Variants in NME8 observed in about 807,000 individuals in gnomAD.
NME8 encodes the protein NME/NM23 family member 8.
A neutral mutation model predicts 82.3 loss-of-function variants in NME8; 72 were observed. The ratio of observed to expected loss-of-function variants is 0.87; its 90% CI spans 0.72 to 1.06. NME8 has a LOEUF of 1.06. NME8 is among the 50% of genes least tolerant of loss of function. The pLI, the probability that NME8 is intolerant of heterozygous loss-of-function variation, is 0.00. For missense variants in NME8, 712 were observed against 685.4 expected, an observed-to-expected ratio of 1.04 and a Z score of -0.43; for synonymous variants, 267 against 228.5, an observed-to-expected ratio of 1.17 and a Z score of -1.52.
chr7:37,875,389 T>G (rs1217403294), intron 11 of NME8, among the ~76,000 whole-genome samples: 1 of 151,608 alleles, frequency 6.6e-6, no homozygotes, highest in Non-Finnish European at 1.5e-5. Flanking sequence ...TACTCTCAAA[T>G]GGATCTGCCA....
At position 37,857,377 on chromosome 7, in the gene NME8, C is replaced by T. The variant is rs887838219; in HGVS notation, c.270+32C>T. ...ATATTTACTTTCTCAATTGCATTAT[C>T]AGATTCCAGTTTGCAGTTAAGAACA... On this transcript the variant is annotated intron_variant, in intron 6 of 17. Transcript: ENST00000199447. 3 of 1,410,208 alleles carry T rather than the reference C, an allele frequency of 2.1e-6. No homozygotes were observed. The African/African-American group carries it at 4.2e-5, about 20-fold the overall frequency. 87.4% of individuals were successfully genotyped at this position (1,410,208 alleles called of 1,614,324 possible).
At chr7:37,880,424 A>T (rs980621529) in intron 12 of NME8, among the ~76,000 whole-genome samples, 1 of 152,194 alleles carries the variant, frequency 6.6e-6, no homozygotes, top group African/African-American at 2.4e-5. Flanking sequence ...GGGTATTTCT[A>T]ATTATTTCAG....
At chr7:37,861,670 G>A (rs1784598624) in intron 6 of NME8, among the ~76,000 whole-genome samples, 1 of 152,130 alleles carries the variant, frequency 6.6e-6, no homozygotes, top group African/African-American at 2.4e-5. Flanking sequence ...AAGGGGCATG[G>A]TGTCAAAAAT....
intron 17 of NME8, among the ~76,000 whole-genome samples, chr7:37,897,721 T>G (rs915316711): frequency 7.4e-5 from 11 of 149,504 alleles, no homozygotes; most frequent in Admixed American, 6.7e-4. Context: ...TGTGTCCATG[T>G]GTTCTCAATG....
intron 6 of NME8, among the ~76,000 whole-genome samples, chr7:37,858,095 A>G (rs1784539730): frequency 6.6e-6 from 1 of 152,134 alleles, no homozygotes; most frequent in South Asian, 2.1e-4. Flanking sequence ...GAAAGACATA[A>G]ATAGTGCTAT....
In NME8 at chr7:37,864,343, T is replaced by C. The variant is rs1375662900; in HGVS notation, c.455-5T>C. Reference sequence around the variant, plus strand: ...AATTCTGTCTTTTTCTAAATTTTTTTCCAGAGGAATTATACAGTATTGCTA... The same window carrying C: ...AATTCTGTCTTTTTCTAAATTTTTTCCCAGAGGAATTATACAGTATTGCTA... On this transcript the variant is annotated splice_polypyrimidine_tract_variant and splice_region_variant and intron_variant, in intron 8 of 17. Transcript: ENST00000199447. 6.3e-7 allele frequency: 1 copy of C among 1,593,998 alleles called. No homozygotes were observed. Among genetic ancestry groups the C allele is most frequent in the East Asian group, 2.3e-5 (1 of 44,288 alleles).
At chr7:37,879,237 C>T (rs1784906236) in intron 12 of NME8, among the ~76,000 whole-genome samples, 1 of 152,158 alleles carries the variant, frequency 6.6e-6, no homozygotes, top group Admixed American at 6.5e-5. Context: ...CAACCTCCGC[C>T]TCCCAGGTTC....
intron 11 of NME8, among the ~76,000 whole-genome samples, chr7:37,870,445 T>G (rs960458303): frequency 1.3e-5 from 2 of 151,468 alleles, no homozygotes; most frequent in African/African-American, 4.9e-5. Context: ...AAAAATTAGC[T>G]GGGTGTGGTG....
At position 37,869,728 on chromosome 7, in the gene NME8, G is replaced by A. The variant is rs533528753; in HGVS notation, c.818+1830G>A. On this transcript the variant is annotated intron_variant, in intron 11 of 17. Coordinates refer to ENST00000199447, the MANE Select transcript of NME8 (RefSeq NM_016616.5). The stretch of plus-strand genomic sequence containing the variant: ...AACTTAGAGTCCCCATGTGCCTTTG[G>A]CCCATGTTTATCCCAAGCTGGCCAC... Among the ~76,000 whole-genome samples, 3 of 152,174 alleles carry A rather than the reference G, an allele frequency of 2.0e-5. No individual in the cohort carries two copies. The East Asian group carries it at 5.8e-4, about 29-fold the overall frequency.
intron 15 of NME8, among the ~76,000 whole-genome samples, chr7:37,893,801 C>A (rs1021055365): frequency 2.0e-5 from 3 of 152,144 alleles, no homozygotes; most frequent in African/African-American, 7.2e-5. Context: ...CCTTTCATTT[C>A]TGCAGTGCCT....
chr7:37,882,603 G>A (rs1370525890), intron 12 of NME8, among the ~76,000 whole-genome samples: 431 of 35,928 alleles, frequency 0.012, 8 homozygotes, highest in South Asian at 0.078. Flanking sequence ...AAGAAAGAGA[G>A]AGAGAGAGAG....
intron 11 of NME8, among the ~76,000 whole-genome samples, chr7:37,873,299 G>T (rs991011691): frequency 1.4e-5 from 2 of 147,602 alleles, no homozygotes; most frequent in African/African-American, 5.0e-5. Context: ...GGCGGAGATT[G>T]CAGTGAGCCA....
At chr7:37,896,104 T>C (rs1785225571) in intron 16 of NME8, among the ~76,000 whole-genome samples, 1 of 152,210 alleles carries the variant, frequency 6.6e-6, no homozygotes, top group Non-Finnish European at 1.5e-5. Context: ...TCTTCTCTTT[T>C]TTCAGTTCCT....
At chr7:37,874,498 C>T (rs926057945) in intron 11 of NME8, among the ~76,000 whole-genome samples, 5 of 151,858 alleles carry the variant, frequency 3.3e-5, no homozygotes, top group African/African-American at 1.2e-4. Context: ...ACAACAGGGG[C>T]AGGAAAAAGA....
intron 17 of NME8, 88 bp downstream of exon 17, chr7:37,897,195 T>G: frequency 9.8e-6 from 8 of 820,054 alleles, no homozygotes; most frequent in Non-Finnish European, 1.4e-5. Flanking sequence ...AGAGAAGAAC[T>G]TTTCCTAAAT....
Position 37,894,458 on chromosome 7 carries a change from T to G in NME8, c.1400-8T>G, listed in dbSNP as rs771885363. 1 of 1,612,292 alleles carries G rather than the reference T, an allele frequency of 6.2e-7. No homozygotes were observed. Among genetic ancestry groups the G allele is most frequent in the South Asian group, 1.1e-5 (1 of 91,034 alleles). On this transcript the variant is annotated splice_polypyrimidine_tract_variant and splice_region_variant and intron_variant, in intron 15 of 17. Coordinates refer to ENST00000199447, the MANE Select transcript of NME8 (RefSeq NM_016616.5). ...TCTGCAATATTATCAAATATTTGTTTTTCTTAGAGCAGATCCTGAAGATAG... is the reference window on the plus strand; with the variant it reads ...TCTGCAATATTATCAAATATTTGTTGTTCTTAGAGCAGATCCTGAAGATAG...
rs1784864568 is a variant in NME8, at chr7:37,877,006, A to ATTT, written c.993_994insTTT (p.Lys331_Asp332insPhe). The stretch of plus-strand genomic sequence containing the variant: ...GACCAAATCTCTTTCATGAAAGGAA[A>ATTT]GGTAGGGAATCAAGCATAAATTGTT... On this transcript the variant is annotated inframe_insertion and splice_region_variant, in exon 12 of 18. Transcript: ENST00000199447. The ATTT allele has an allele frequency of 6.2e-7, 1 of 1,610,444 alleles. No homozygotes were observed. The highest frequency in any genetic ancestry group is 1.1e-5 in the South Asian group (1 of 91,000).
chr7:37,887,657 G>C (rs530991306), intron 14 of NME8, among the ~76,000 whole-genome samples: 8 of 152,264 alleles, frequency 5.3e-5, no homozygotes, highest in African/African-American at 1.7e-4. Flanking sequence ...ATCTATATCA[G>C]TCTGTTCTCA....
At chr7:37,893,501 G>T (rs1011067322) in intron 15 of NME8, among the ~76,000 whole-genome samples, 9 of 152,054 alleles carry the variant, frequency 5.9e-5, no homozygotes, top group African/African-American at 2.2e-4. Context: ...TTTTCACCCA[G>T]TCACTTCTTC....
Sources: gnomAD v4.1 joint callset for allele counts (sites outside exome capture counted in the v4.1 genomes callset) on GRCh38, gnomAD v4.1.1 for gene constraint, MANE v1.5 for transcripts, NCBI Gene and HGNC (gene_info 2026-07-23, HGNC 2026-07-21) for gene names.